DNAH3: variants seen among roughly 807,000 people sequenced by gnomAD.
DNAH3 encodes axonemal beta dynein heavy chain 3.
In DNAH3, 332 loss-of-function variants were observed where a neutral mutation model predicts 432.5. That is an observed-to-expected ratio of 0.77 (90% CI 0.70 to 0.84). The LOEUF is 0.84. Ranked by LOEUF, DNAH3 falls within the 40% of genes least tolerant of loss-of-function variation. The pLI is 0.00. For synonymous variants in DNAH3, 1,956 were observed against 1,900.2 expected (o/e 1.03, Z -0.76); for missense variants, 4,861 against 5,114.0 (o/e 0.95, Z 1.51).
chr16:21,046,717 G>T (rs1344882675), intron 31 of DNAH3, among the ~76,000 whole-genome samples: 5 of 151,782 alleles, frequency 3.3e-5, no homozygotes, highest in Non-Finnish European at 7.4e-5. Flanking sequence ...ATCCTGTCAT[G>T]ATGATGTTAG....
At chr16:21,127,929 T>C in intron 7 of DNAH3, 117 bp from the exon 9 acceptor site, 3 of 1,249,584 alleles carry the variant, frequency 2.4e-6, no homozygotes, top group Non-Finnish European at 3.4e-6. Context: ...CAGAATCAAA[T>C]GAATTACAGG....
chr16:21,039,922 T>A, exon 33 of DNAH3: 2 of 1,613,926 alleles, frequency 1.2e-6, no homozygotes, highest in South Asian at 2.2e-5. Context: ...GGGACCATCA[T>A]GGCCACTGTC....
chr16:21,019,869 T>A (rs1422261941), exon 41 of DNAH3: 3 of 1,613,758 alleles, frequency 1.9e-6, no homozygotes, highest in Non-Finnish European at 2.5e-6. Context: ...CCTGATTTCA[T>A]CTAAAAGTGA....
In DNAH3 at chr16:21,139,784, T is replaced by C. The variant is rs560903695; in HGVS notation, c.696+752A>G. 3.6e-3 allele frequency among the ~76,000 whole-genome samples: 450 copies of C among 124,722 alleles called. 7 individuals are homozygous for C. Among genetic ancestry groups the C allele is most frequent in the African/African-American group, 0.014 (442 of 32,268 alleles). The allele number at this position is 124,722 out of a possible 152,430, so 81.8% of individuals were successfully genotyped here. A position where few individuals can be genotyped will look rare whatever the true frequency, so the allele number is the denominator to read the frequency against. Reference sequence around the variant, plus strand: ...TGCCCAGCCACCTCATTCTTTTTTTTTTTTTTTTTTTTTGAGATAGAGCCT... The same window carrying C: ...TGCCCAGCCACCTCATTCTTTTTTTCTTTTTTTTTTTTTGAGATAGAGCCT... On this transcript the variant is annotated intron_variant, in intron 5 of 61. Coordinates refer to ENST00000261383, the Ensembl canonical transcript of DNAH3.
intron 44 of DNAH3, among the ~76,000 whole-genome samples, chr16:20,994,439 AAATT>A (rs762108203): frequency 2.6e-5 from 4 of 152,158 alleles, no homozygotes; most frequent in Non-Finnish European, 5.9e-5. Flanking sequence ...CTCAAAATAT[AAATT>A]AATTAATTAA....
intron 11 of DNAH3, among the ~76,000 whole-genome samples, chr16:21,117,649 CCTT>C (rs1293108125): frequency 1.3e-5 from 2 of 152,172 alleles, no homozygotes; most frequent in African/African-American, 4.8e-5. Context: ...TTCAGGCTCA[CCTT>C]CTGAACTTTT....
At chr16:21,000,715 C>T (rs1403124841) in intron 42 of DNAH3, among the ~76,000 whole-genome samples, 197 bp from the exon 43 acceptor site, 1 of 152,174 alleles carries the variant, frequency 6.6e-6, no homozygotes, top group Non-Finnish European at 1.5e-5. Flanking sequence ...ATTCACAGAG[C>T]TGGCTTGAGG....
exon 45 of DNAH3, chr16:20,987,945 A>G (rs1439556368): frequency 6.2e-7 from 1 of 1,614,070 alleles, no homozygotes; most frequent in Non-Finnish European, 8.5e-7. Flanking sequence ...CTCTTACCTT[A>G]AAAACATCAC....
intron 31 of DNAH3, 134 bp downstream of exon 31, chr16:21,049,435 C>T (rs774711706): frequency 7.7e-6 from 5 of 651,786 alleles, no homozygotes; most frequent in Non-Finnish European, 1.3e-5. Context: ...GTTTAGTTCA[C>T]TGAGTACCTG....
intron 9 of DNAH3, among the ~76,000 whole-genome samples, chr16:21,122,488 C>T (rs926998263): frequency 3.9e-5 from 6 of 152,092 alleles, no homozygotes; most frequent in Non-Finnish European, 5.9e-5. Flanking sequence ...ACCCAGGAGG[C>T]AGAGGTTGCA....
At chr16:21,120,860 C>T in intron 10 of DNAH3, 1 of 1,600,652 alleles carries the variant, frequency 6.2e-7, no homozygotes, top group South Asian at 1.1e-5. Flanking sequence ...TTCAGCTGTC[C>T]CCATACATAG....
Position 20,946,771 on chromosome 16 carries a change from G to A in DNAH3, c.11343+1712C>T, listed in dbSNP as rs547289740. Among the ~76,000 whole-genome samples the A allele has an allele frequency of 6.9e-5, 10 of 145,080 alleles. No individual in the cohort carries two copies. In the Admixed American group the frequency reaches 7.0e-4, roughly 10 times the overall value. On this transcript the variant is annotated intron_variant, in intron 57 of 61. Transcript: ENST00000261383. ...ACCTTCTCTTTCCCTCCTTTTACCTGCCCCCAAGCAAGACTCAAATCTTCC... is the reference window on the plus strand; with the variant it reads ...ACCTTCTCTTTCCCTCCTTTTACCTACCCCCAAGCAAGACTCAAATCTTCC...
exon 44 of DNAH3, chr16:20,997,296 C>T: frequency 6.2e-7 from 1 of 1,613,826 alleles, no homozygotes; most frequent in Non-Finnish European, 8.5e-7. Flanking sequence ...TAATGTCATT[C>T]CTTCCTCCCC....
At chr16:21,119,226 G>A (rs1199894226) in intron 11 of DNAH3, among the ~76,000 whole-genome samples, 2 of 152,200 alleles carry the variant, frequency 1.3e-5, no homozygotes, top group African/African-American at 4.8e-5. Context: ...ATAATGGATC[G>A]TCTCATGGGA....
chr16:21,111,496 A>T, intron 14 of DNAH3, 130 bp downstream of exon 14: 3 of 872,576 alleles, frequency 3.4e-6, no homozygotes, highest in Non-Finnish European at 5.3e-6. Flanking sequence ...CACTACCCTT[A>T]CTTAGGGGCA....
intron 19 of DNAH3, among the ~76,000 whole-genome samples, chr16:21,083,504 T>G (rs2091264348): frequency 6.6e-6 from 1 of 152,174 alleles, no homozygotes; most frequent in South Asian, 2.1e-4. Context: ...CAAAAAGCCT[T>G]TTAGATTTGT....
intron 1 of DNAH3, among the ~76,000 whole-genome samples, chr16:21,153,993 A>G (rs1016881032): frequency 6.6e-6 from 1 of 152,264 alleles, no homozygotes; most frequent in Admixed American, 6.5e-5. Flanking sequence ...TAATTGAGAC[A>G]GTGGGAGAGC....
intron 35 of DNAH3, among the ~76,000 whole-genome samples, chr16:21,036,245 G>T: frequency 6.6e-6 from 1 of 152,112 alleles, no homozygotes. Flanking sequence ...AGAATCGCTG[G>T]AACCTGGGAG....
chr16:21,044,372 T>A (rs1173342136), intron 31 of DNAH3, among the ~76,000 whole-genome samples: 1 of 151,132 alleles, frequency 6.6e-6, no homozygotes, highest in African/African-American at 2.4e-5. Flanking sequence ...GTAGTTCTCC[T>A]TGAAGAGGTC....
Sources: allele counts gnomAD v4.1 joint callset (sites outside exome capture counted in the v4.1 genomes callset), GRCh38; gene constraint gnomAD v4.1.1; transcripts MANE v1.5; gene names NCBI Gene and HGNC (gene_info 2026-07-23, HGNC 2026-07-21).